Variants in GRHL2 observed in about 807,000 individuals in gnomAD.
GRHL2 encodes the protein grainyhead-like protein 2 homolog.
In GRHL2, 21 loss-of-function variants were observed where a neutral mutation model predicts 83.8. The ratio of observed to expected loss-of-function variants is 0.25; its 90% CI spans 0.18 to 0.36. GRHL2 has a LOEUF of 0.36. GRHL2 is among the 10% of genes least tolerant of loss of function. GRHL2 has a pLI of 1.00. For missense variants in GRHL2, 623 were observed against 781.8 expected, an observed-to-expected ratio of 0.80 and a Z score of 2.42; for synonymous variants, 280 against 278.9, an observed-to-expected ratio of 1.00 and a Z score of -0.04.
intron 9 of GRHL2, among the ~76,000 whole-genome samples, chr8:101,626,304 A>G (rs1299582017): frequency 6.6e-6 from 1 of 152,090 alleles, no homozygotes; most frequent in African/African-American, 2.4e-5. Context: ...CACACCTGTG[A>G]GACTGCAGCT....
At position 101,655,183 on chromosome 8, in the gene GRHL2, T is replaced by TAAAA. The variant is rs34917135; in HGVS notation, c.1698+5695_1698+5698dup. On this transcript the variant is annotated intron_variant, in intron 14 of 15. Coordinates refer to ENST00000646743, the MANE Select transcript of GRHL2 (RefSeq NM_024915.4). Reference sequence around the variant, plus strand: ...GGCAACAAGAGCGAAACTCCAATCCTAAAAAAAAAAAAAAGAAGAAGGAAG... The same window carrying TAAAA: ...GGCAACAAGAGCGAAACTCCAATCCTAAAAAAAAAAAAAAAAAAGAAGAAGGAAG... Among the ~76,000 whole-genome samples, 74 of 144,070 alleles carry TAAAA rather than the reference T, an allele frequency of 5.1e-4. 1 individual carries two copies. Among genetic ancestry groups the TAAAA allele is most frequent in the Non-Finnish European group, 4.6e-5 (3 of 64,664 alleles). 94.5% of individuals were successfully genotyped at this position (144,070 alleles called of 152,430 possible).
At position 101,599,198 on chromosome 8, in the gene GRHL2, C is replaced by T. The variant is rs756436893; in HGVS notation, c.1098+47C>T. On this transcript the variant is annotated intron_variant, in intron 8 of 15. Coordinates refer to ENST00000646743, the MANE Select transcript of GRHL2 (RefSeq NM_024915.4). Reference sequence around the variant, plus strand: ...TTTATACCTCTTAATATGTGCCCATCCTCAGCAGTTTATTCTTTTTTAAAA... The same window carrying T: ...TTTATACCTCTTAATATGTGCCCATTCTCAGCAGTTTATTCTTTTTTAAAA... 2.4e-5 allele frequency: 29 copies of T among 1,197,828 alleles called. 1 individual carries two copies. In the South Asian group the frequency reaches 3.4e-4, roughly 14 times the overall value. The allele number at this position is 1,197,828 out of a possible 1,614,324, so 74.2% of individuals were successfully genotyped here. A position where few individuals can be genotyped will look rare whatever the true frequency, so the allele number is the denominator to read the frequency against.
rs2032117 is a variant in GRHL2, at chr8:101,647,405, C to A, written c.1613-2009C>A. 5.7e-3 allele frequency among the ~76,000 whole-genome samples: 360 copies of A among 63,052 alleles called. 8 individuals are homozygous for A. The East Asian group carries it at 0.11, about 20-fold the overall frequency. 41.4% of individuals were successfully genotyped at this position (63,052 alleles called of 152,430 possible). A position where few individuals can be genotyped will look rare whatever the true frequency, so the allele number is the denominator to read the frequency against. On this transcript the variant is annotated intron_variant, in intron 13 of 15. Coordinates refer to ENST00000646743, the MANE Select transcript of GRHL2 (RefSeq NM_024915.4). ...TTTGGGGGTCAGCCTGCTGGAAATT[C>A]CTTTTTTTTTCCTGTTGGGGGCTGC...
chr8:101,545,443 GAAAAAAAAAAAAAAAA>G (rs34421761), intron 2 of GRHL2, among the ~76,000 whole-genome samples: 7 of 58,926 alleles, frequency 1.2e-4, no homozygotes, highest in African/African-American at 2.6e-4. Context: ...GGGAATTCCT[GAAAAAAAAAAAAAAAA>G]AAAAAAAAAA....
At chr8:101,659,597 C>T (rs1489904061) in intron 14 of GRHL2, among the ~76,000 whole-genome samples, 1 of 152,206 alleles carries the variant, frequency 6.6e-6, no homozygotes, top group Admixed American at 6.5e-5. Flanking sequence ...ATCCCTTCAG[C>T]AAATCTTCGC....
At chr8:101,507,770 CTTTTTTTTTTTTTTT>C (rs11295472) in intron 1 of GRHL2, among the ~76,000 whole-genome samples, 2 of 66,296 alleles carry the variant, frequency 3.0e-5, no homozygotes, top group Non-Finnish European at 2.7e-5. Context: ...ATGATTATCC[CTTTTTTTTTTTTTTT>C]TTTTTTTTTT....
At chr8:101,567,428 A>G (rs1054015478) in intron 4 of GRHL2, among the ~76,000 whole-genome samples, 1 of 152,200 alleles carries the variant, frequency 6.6e-6, no homozygotes, top group Non-Finnish European at 1.5e-5. Context: ...TTTTGATTCT[A>G]ATTCCTAATA....
At chr8:101,673,933 T>A (rs1239514058), downstream of GRHL2, among the ~76,000 whole-genome samples, 1 of 152,152 alleles carries the variant, frequency 6.6e-6, no homozygotes, top group Non-Finnish European at 1.5e-5. Flanking sequence ...ACATGGAAAC[T>A]GAGCAACCCG....
intron 1 of GRHL2, among the ~76,000 whole-genome samples, chr8:101,523,376 A>G (rs1810731347): frequency 6.6e-6 from 1 of 152,110 alleles, no homozygotes; most frequent in South Asian, 2.1e-4. Context: ...GAAATCAAGA[A>G]TGTTGGATGC....
chr8:101,540,800 T>G (rs562116455), intron 1 of GRHL2, among the ~76,000 whole-genome samples: 1 of 152,332 alleles, frequency 6.6e-6, no homozygotes, highest in Non-Finnish European at 1.5e-5. Context: ...AGTCTTTTTT[T>G]ATTTTCCATT....
Position 101,644,162 on chromosome 8 carries a change from C to A in GRHL2, c.1549C>A (p.Pro517Thr). 1 of 1,614,144 alleles carries A rather than the reference C, an allele frequency of 6.2e-7. No homozygotes were observed. Among genetic ancestry groups the A allele is most frequent in the African/African-American group, 1.3e-5 (1 of 75,042 alleles). The change falls in exon 13 of 16, where the codon CCC becomes ACC. Residue 517 changes from proline (P) to threonine (T), a missense_variant. Coordinates refer to ENST00000646743, the MANE Select transcript of GRHL2 (RefSeq NM_024915.4). ...GSVLVKRMFR[P>T]MEEEFGPVPS... ...TGTCCTTGTTAAACGGATGTTCCGGCCCATGGAAGAGGAGTTTGGTCCAGT... is the reference window on the plus strand; with the variant it reads ...TGTCCTTGTTAAACGGATGTTCCGGACCATGGAAGAGGAGTTTGGTCCAGT...
At chr8:101,567,341 G>C (rs1256108925) in intron 4 of GRHL2, among the ~76,000 whole-genome samples, 2 of 152,102 alleles carry the variant, frequency 1.3e-5, no homozygotes, top group Non-Finnish European at 2.9e-5. Flanking sequence ...ACTGCCTTTT[G>C]GCATCCTACA....
At chr8:101,642,317 G>A (rs1342389996) in intron 12 of GRHL2, among the ~76,000 whole-genome samples, 1 of 152,216 alleles carries the variant, frequency 6.6e-6, no homozygotes, top group Non-Finnish European at 1.5e-5. Context: ...GGCAGAGTTT[G>A]TCATGGTTCA....
At chr8:101,653,239 A>G (rs1437314868) in intron 14 of GRHL2, among the ~76,000 whole-genome samples, 1 of 151,776 alleles carries the variant, frequency 6.6e-6, no homozygotes, top group African/African-American at 2.4e-5. Flanking sequence ...AAATAATATC[A>G]TTGTGGGGGG....
chr8:101,522,826 C>G (rs1286573634), intron 1 of GRHL2, among the ~76,000 whole-genome samples: 1 of 150,672 alleles, frequency 6.6e-6, no homozygotes, highest in Non-Finnish European at 1.5e-5. Flanking sequence ...TGAAATATAA[C>G]TTGCTTTTTT....
intron 7 of GRHL2, among the ~76,000 whole-genome samples, chr8:101,592,989 C>T (rs189304647): frequency 4.5e-4 from 69 of 152,320 alleles, no homozygotes; most frequent in Admixed American, 1.0e-3. Context: ...CTCTGTCACC[C>T]AAGCTGGAGT....
intron 1 of GRHL2, among the ~76,000 whole-genome samples, chr8:101,539,586 C>T (rs965286227): frequency 6.6e-6 from 1 of 152,122 alleles, no homozygotes; most frequent in African/African-American, 2.4e-5. Context: ...CCAAATCCAA[C>T]CCTGCATATT....
At chr8:101,608,000 A>G (rs1296292262) in intron 8 of GRHL2, among the ~76,000 whole-genome samples, 1 of 152,226 alleles carries the variant, frequency 6.6e-6, no homozygotes, top group Non-Finnish European at 1.5e-5. Flanking sequence ...ATTAACATGT[A>G]CAAACTATTG....
chr8:101,533,601 T>C (rs1357380310), intron 1 of GRHL2, among the ~76,000 whole-genome samples: 1 of 152,150 alleles, frequency 6.6e-6, no homozygotes, highest in Non-Finnish European at 1.5e-5. Context: ...TGATGGCTGT[T>C]ATGGAAAAAA....
Sources: gnomAD v4.1 joint callset for allele counts (sites outside exome capture counted in the v4.1 genomes callset) on GRCh38, gnomAD v4.1.1 for gene constraint, MANE v1.5 for transcripts, NCBI Gene and HGNC (gene_info 2026-07-23, HGNC 2026-07-21) for gene names.